The following LIPE variants were observed in gnomAD, a reference collection of about 807,000 sequenced individuals.
LIPE encodes hormone-sensitive lipase.
Under a neutral mutation model 88.5 loss-of-function variants are expected in LIPE, and 66 were observed. That is an observed-to-expected ratio of 0.75 (90% CI 0.61 to 0.91). LIPE has a LOEUF of 0.91. Ranked by LOEUF, LIPE falls within the 40% of genes least tolerant of loss-of-function variation. The pLI is 0.00. For missense variants in LIPE, 1,346 were observed against 1,434.7 expected (o/e 0.94, Z 1.00); for synonymous variants, 570 against 617.5 (o/e 0.92, Z 1.14).
intron 2 of LIPE, among the ~76,000 whole-genome samples, chr19:42,409,044 G>A (rs541071929): frequency 6.6e-6 from 1 of 152,148 alleles, no homozygotes; most frequent in African/African-American, 2.4e-5. Context: ...GTAGGATGGT[G>A]CAGGGACTTC....
rs1464369372 is a variant in LIPE, at chr19:42,401,866, C to T, written c.3177G>A (p.Pro1059=). 3.3e-6 allele frequency: 5 copies of T among 1,526,026 alleles called. No individual in the cohort carries two copies. The highest frequency in any genetic ancestry group is 2.8e-5 in the African/African-American group (2 of 71,034). 94.5% of individuals were successfully genotyped at this position (1,526,026 alleles called of 1,614,324 possible). A position where few individuals can be genotyped will look rare whatever the true frequency, so the allele number is the denominator to read the frequency against. The change falls in exon 10 of 10, where the codon CCG becomes CCA. Residue 1059 remains proline (P), a synonymous_variant. Transcript: ENST00000244289. ...CCCCCGCAGCCCCCGTCTCCCCGCTCGGCCCGGCTCCGGCGGGAGGAGTGA... is the reference window on the plus strand; with the variant it reads ...CCCCCGCAGCCCCCGTCTCCCCGCTTGGCCCGGCTCCGGCGGGAGGAGTGA... ...LVLTPPAGAG[P]SGETGAAGVD... is the part of the protein sequence containing the mutation.
At position 42,424,880 on chromosome 19, in the gene LIPE, C is replaced by T. The variant is rs141265751; in HGVS notation, c.883+1387G>A. ...AAGCAGGCAGGGGGCAGCACTGGGCCCCGGGAAGAGGCGGAGAAGGCGAGG... is the reference window on the plus strand; with the variant it reads ...AAGCAGGCAGGGGGCAGCACTGGGCTCCGGGAAGAGGCGGAGAAGGCGAGG... On this transcript the variant is annotated intron_variant, in intron 1 of 9. Coordinates refer to ENST00000244289, the MANE Select transcript of LIPE (RefSeq NM_005357.4). 2.2e-4 allele frequency: 75 copies of T among 346,058 alleles called. 1 individual carries two copies. The highest frequency in any genetic ancestry group is 1.4e-3 in the African/African-American group (67 of 46,658). The allele number at this position is 346,058 out of a possible 1,614,324, so 21.4% of individuals were successfully genotyped here.
intron 1 of LIPE, chr19:42,423,949 C>T (rs2040656239): frequency 1.7e-6 from 2 of 1,169,042 alleles, no homozygotes; most frequent in South Asian, 3.4e-5. Context: ...TGCCCTAGCA[C>T]GCGGCCCGGC....
intron 1 of LIPE, among the ~76,000 whole-genome samples, chr19:42,419,346 C>T (rs902825856): frequency 1.3e-5 from 2 of 152,150 alleles, no homozygotes; most frequent in Non-Finnish European, 2.9e-5. Context: ...CAAGTGACTG[C>T]ACAAAGGAGT....
chr19:42,405,153 C>A (rs2040128775), intron 8 of LIPE, among the ~76,000 whole-genome samples: 2 of 152,156 alleles, frequency 1.3e-5, no homozygotes, highest in Non-Finnish European at 1.5e-5. Flanking sequence ...CAGGTGTGCA[C>A]CACCACACCT....
intron 1 of LIPE, among the ~76,000 whole-genome samples, chr19:42,412,064 C>G (rs759779975): frequency 2.0e-5 from 3 of 152,222 alleles, no homozygotes; most frequent in Non-Finnish European, 2.9e-5. Flanking sequence ...CCCGCTAGGA[C>G]TCTGGAAGCC....
chr19:42,423,489 C>T (rs1222129438), intron 1 of LIPE: 4 of 1,285,438 alleles, frequency 3.1e-6, no homozygotes, highest in African/African-American at 3.0e-5. Flanking sequence ...TCTTCGAGGC[C>T]GGGGCCATAG....
intron 1 of LIPE, among the ~76,000 whole-genome samples, chr19:42,419,401 C>G: frequency 6.6e-6 from 1 of 152,222 alleles, no homozygotes; most frequent in East Asian, 1.9e-4. Flanking sequence ...AGAGCTCTGC[C>G]CTTTGTCCTG....
intron 1 of LIPE, among the ~76,000 whole-genome samples, 166 bp downstream of exon 1, chr19:42,426,101 C>CT (rs1030833973): frequency 0.044 from 4,562 of 103,954 alleles, 175 homozygotes; most frequent in African/African-American, 0.058. Flanking sequence ...TGCGCCCAGC[C>CT]TTTTTTTTTT....
chr19:42,420,504 G>T (rs1367685322), intron 1 of LIPE, among the ~76,000 whole-genome samples: 1 of 151,964 alleles, frequency 6.6e-6, no homozygotes, highest in East Asian at 1.9e-4. Flanking sequence ...GCGTGTCTTG[G>T]TCTCTGTGTG....
Position 42,426,266 on chromosome 19 carries a change from C to A in LIPE, c.883+1G>T, listed in dbSNP as rs199830207. The A allele has an allele frequency of 1.3e-6, 2 of 1,597,518 alleles. No homozygotes were observed. The highest frequency in any genetic ancestry group is 1.7e-6 in the Non-Finnish European group (2 of 1,166,574). On this transcript the variant is annotated splice_donor_variant, in intron 1 of 9. Transcript: ENST00000244289. LOFTEE classifies it high-confidence loss of function. ...TTCAATTCCTCCAGATTCACACTCA[C>A]CTGTATCCTGGTAGTGTCTGTGATT...
chr19:42,411,396 C>T, intron 1 of LIPE: 2 of 928,338 alleles, frequency 2.2e-6, no homozygotes, highest in Non-Finnish European at 2.6e-6. Flanking sequence ...AAGTCTAAAC[C>T]TCCAGTTGGT....
chr19:42,426,729 GC>G lies in LIPE; in HGVS notation c.420del (p.Pro141LeufsTer61), dbSNP rs2040714968. The G allele has an allele frequency of 6.2e-7, 1 of 1,614,202 alleles. No individual in the cohort carries two copies. The highest frequency in any genetic ancestry group is 1.3e-5 in the African/African-American group (1 of 75,046). On this transcript the variant is annotated frameshift_variant, in exon 1 of 10. Transcript: ENST00000244289. LOFTEE classifies it high-confidence loss of function. ...GCTGGAGGTGGCTCTCCTGGCCCAG[GC>G]CCTGGCTGGGCTACATGTCTTTGTC... ...ALRQRHVAQP[G>X]PGPGEPPPAQ...
chr19:42,409,474 G>A (rs1269249373), intron 2 of LIPE, among the ~76,000 whole-genome samples: 1 of 151,748 alleles, frequency 6.6e-6, no homozygotes, highest in Non-Finnish European at 1.5e-5. Flanking sequence ...GCCAAGGCAA[G>A]GGATTGGCGG....
rs1339319783 is a variant in LIPE, at chr19:42,402,795, C to T, written c.2779G>A (p.Glu927Lys). 8 of 1,611,112 alleles carry T rather than the reference C, an allele frequency of 5.0e-6. No homozygotes were observed. Among genetic ancestry groups the T allele is most frequent in the Non-Finnish European group, 6.8e-6 (8 of 1,177,756 alleles). Reference sequence around the variant, plus strand: ...AGGCCTCTGTCCATGGGGCTCAGCTCATTTTTGGCCTCAGCCTCTTCCCCT... The same window carrying T: ...AGGCCTCTGTCCATGGGGCTCAGCTTATTTTTGGCCTCAGCCTCTTCCCCT... ...DAGEEAEAKNELSPMDRGLGV... is the reference protein window; with the variant it reads ...DAGEEAEAKNKLSPMDRGLGV... The change falls in exon 9 of 10, where the codon GAG becomes AAG. Residue 927 changes from glutamate to lysine, a missense_variant. By Grantham distance (56) the Glu-to-Lys change is moderately conservative. Transcript: ENST00000244289.
chr19:42,405,976 T>TCTCACACACACA (rs1367305518), intron 7 of LIPE, 185 bp downstream of exon 7: 4 of 418,578 alleles, frequency 9.6e-6, no homozygotes, highest in Admixed American at 4.1e-5. Context: ...TCTCTCTCTC[T>TCTCACACACACA]CACACACACA....
intron 1 of LIPE, among the ~76,000 whole-genome samples, chr19:42,425,927 G>T (rs143135972): frequency 6.6e-6 from 1 of 151,880 alleles, no homozygotes; most frequent in Admixed American, 6.6e-5. Context: ...TCAGCCTCCC[G>T]AGTAGCTGGG....
chr19:42,421,914 G>C (rs1030847528), intron 1 of LIPE, among the ~76,000 whole-genome samples: 10 of 152,236 alleles, frequency 6.6e-5, no homozygotes, highest in African/African-American at 2.4e-4. Flanking sequence ...GAGTTTGCAG[G>C]AATGAGCCTT....
rs1262673450 is a variant in LIPE, at chr19:42,402,588, G to A, written c.2967+19C>T. 9.6e-6 allele frequency: 14 copies of A among 1,464,744 alleles called. 1 individual carries two copies. The African/African-American group carries it at 1.8e-4, about 19-fold the overall frequency. 90.7% of individuals were successfully genotyped at this position (1,464,744 alleles called of 1,614,324 possible). ...GCTCTTCTCTAAATGCACCTGTACC[G>A]GCCCCCTCTGTCGCTCACCACGATG... On this transcript the variant is annotated intron_variant, in intron 9 of 9. Transcript: ENST00000244289.
Sources: gnomAD v4.1 joint callset for allele counts (sites outside exome capture counted in the v4.1 genomes callset) on GRCh38, gnomAD v4.1.1 for gene constraint, MANE v1.5 for transcripts, NCBI Gene and HGNC (gene_info 2026-07-23, HGNC 2026-07-21) for gene names.